FAM193A: variants seen among roughly 807,000 people sequenced by gnomAD.
FAM193A encodes family with sequence similarity 193 member A.
A neutral mutation model predicts 126.5 loss-of-function variants in FAM193A; 22 were observed. That is an observed-to-expected ratio of 0.17 (90% CI 0.12 to 0.25). FAM193A has a LOEUF of 0.25. Ranked by LOEUF, FAM193A falls within the 10% of genes least tolerant of loss-of-function variation. The pLI, the probability that FAM193A is intolerant of heterozygous loss-of-function variation, is 1.00. For missense variants in FAM193A, 1,675 were observed against 1,672.8 expected (o/e 1.00, Z -0.02); for synonymous variants, 761 against 646.8 (o/e 1.18, Z -2.68).
intron 6 of FAM193A, among the ~76,000 whole-genome samples, chr4:2,642,742 T>G (rs1300226827): frequency 6.6e-6 from 1 of 151,024 alleles, no homozygotes; most frequent in Non-Finnish European, 1.5e-5. Flanking sequence ...CTTTTTTTTT[T>G]TTTTTTTGGA....
At chr4:2,684,885 A>G (rs370144597) in intron 13 of FAM193A, among the ~76,000 whole-genome samples, 2 of 152,182 alleles carry the variant, frequency 1.3e-5, no homozygotes, top group African/African-American at 4.8e-5. Flanking sequence ...GGCCCAGACC[A>G]GGGGGGAAGA....
At chr4:2,647,135 C>G (rs562137641) in intron 7 of FAM193A, among the ~76,000 whole-genome samples, 1 of 152,214 alleles carries the variant, frequency 6.6e-6, no homozygotes, top group South Asian at 2.1e-4. Flanking sequence ...GGCTCTGCAC[C>G]CCAGGTAGGA....
chr4:2,611,097 A>G (rs1741843764), intron 2 of FAM193A, among the ~76,000 whole-genome samples: 1 of 152,070 alleles, frequency 6.6e-6, no homozygotes, highest in African/African-American at 2.4e-5. Context: ...TGGGAGTGGA[A>G]TTGCTGAGTC....
intron 2 of FAM193A, among the ~76,000 whole-genome samples, chr4:2,604,073 C>CCT (rs1741382047): frequency 6.6e-6 from 1 of 151,988 alleles, no homozygotes; most frequent in Non-Finnish European, 1.5e-5. Flanking sequence ...AAACTCCTGA[C>CCT]CTCAGGTGAT....
chr4:2,577,388 A>T (rs544176852), intron 1 of FAM193A, among the ~76,000 whole-genome samples: 9 of 149,636 alleles, frequency 6.0e-5, no homozygotes, highest in African/African-American at 2.2e-4. Flanking sequence ...CAAGTTTGAC[A>T]ATCTATTCAC....
intron 2 of FAM193A, among the ~76,000 whole-genome samples, chr4:2,611,825 T>G (rs1291315595): frequency 6.6e-6 from 1 of 151,378 alleles, no homozygotes; most frequent in Non-Finnish European, 1.5e-5. Flanking sequence ...AGATTTATAT[T>G]TTGATCAAAT....
rs141791715 is a variant in FAM193A at position 2,650,144 on chromosome 4, G to T, written c.1311+3312G>T. ...GTTGTATAATTATTTCATTCTATAT[G>T]ACAGTGTAATAATAATAGAAACAAA... On this transcript the variant is annotated intron_variant, in intron 7 of 20. Coordinates refer to ENST00000637812, the MANE Select transcript of FAM193A (RefSeq NM_001366318.2). Among the ~76,000 whole-genome samples the T allele has an allele frequency of 2.8e-3, 429 of 152,236 alleles. 1 individual carries two copies. Among genetic ancestry groups the T allele is most frequent in the African/African-American group, 7.8e-3 (322 of 41,536 alleles).
intron 1 of FAM193A, among the ~76,000 whole-genome samples, chr4:2,576,571 C>G (rs76554990): frequency 2.8e-3 from 429 of 152,290 alleles, no homozygotes; most frequent in African/African-American, 7.8e-3. Context: ...GATACTTGCT[C>G]TTGCTCTGCC....
chr4:2,583,007 C>T lies in FAM193A; in HGVS notation c.256-13077C>T, dbSNP rs191052672. On this transcript the variant is annotated intron_variant, in intron 1 of 20. Transcript: ENST00000637812. ...TTTTGAGACGGAGTTTTGCTCTTGT[C>T]TCCCAGGCTGGAGTGCAGTGGCACG... Among the ~76,000 whole-genome samples the T allele has an allele frequency of 3.3e-3, 496 of 152,236 alleles. 3 individuals are homozygous for T. The highest frequency in any genetic ancestry group is 0.011 in the African/African-American group (474 of 41,542).
At chr4:2,722,513 C>T (rs1186485980) in intron 20 of FAM193A, among the ~76,000 whole-genome samples, 1 of 152,146 alleles carries the variant, frequency 6.6e-6, no homozygotes, top group Non-Finnish European at 1.5e-5. Context: ...GTCACACATG[C>T]ACTAATGGAA....
chr4:2,668,810 CTCTT>C (rs1713446182), intron 12 of FAM193A, among the ~76,000 whole-genome samples: 1 of 151,298 alleles, frequency 6.6e-6, no homozygotes, highest in Non-Finnish European at 1.5e-5. Context: ...CTCTCTCTCT[CTCTT>C]TCTCTTTTCC....
chr4:2,713,881 C>G (rs1307845137), intron 19 of FAM193A, among the ~76,000 whole-genome samples: 3 of 152,090 alleles, frequency 2.0e-5, no homozygotes, highest in African/African-American at 7.2e-5. Context: ...ATATAAAATC[C>G]TTGGATCAAC....
intron 1 of FAM193A, among the ~76,000 whole-genome samples, chr4:2,564,949 C>G (rs1738844115): frequency 6.6e-6 from 1 of 151,996 alleles, no homozygotes; most frequent in Non-Finnish European, 1.5e-5. Flanking sequence ...CAGTCACATG[C>G]CACCATGCCT....
At chr4:2,721,431 T>A (rs1720142765) in intron 20 of FAM193A, among the ~76,000 whole-genome samples, 1 of 151,270 alleles carries the variant, frequency 6.6e-6, no homozygotes, top group Non-Finnish European at 1.5e-5. Flanking sequence ...GAAGCTTCAG[T>A]GAGCTATGCT....
At chr4:2,560,038 A>G (rs1184336618) in intron 1 of FAM193A, among the ~76,000 whole-genome samples, 1 of 151,140 alleles carries the variant, frequency 6.6e-6, no homozygotes, top group Admixed American at 6.6e-5. Flanking sequence ...GGCTCACTGC[A>G]AGCTCTGTCT....
chr4:2,664,558 C>CTTTTTTTATTTTTT, intron 12 of FAM193A, among the ~76,000 whole-genome samples: 1 of 73,074 alleles, frequency 1.4e-5, no homozygotes, highest in Non-Finnish European at 2.6e-5. Flanking sequence ...TATTTTCTTT[C>CTTTTTTTATTTTTT]TTTTTTTTTT....
chr4:2,683,219 C>T (rs976051715), intron 13 of FAM193A, among the ~76,000 whole-genome samples: 7 of 151,792 alleles, frequency 4.6e-5, no homozygotes, highest in African/African-American at 7.3e-5. Flanking sequence ...GAATTCTTTT[C>T]GAATTCTTTT....
intron 13 of FAM193A, among the ~76,000 whole-genome samples, chr4:2,687,741 G>T (rs1481981293): frequency 6.6e-6 from 1 of 152,126 alleles, no homozygotes; most frequent in Non-Finnish European, 1.5e-5. Flanking sequence ...GCCACAAATT[G>T]ATCTTTCCAC....
intron 12 of FAM193A, among the ~76,000 whole-genome samples, chr4:2,669,148 T>G (rs1402384335): frequency 6.6e-6 from 1 of 152,120 alleles, no homozygotes; most frequent in African/African-American, 2.4e-5. Flanking sequence ...TGGCCTGTAT[T>G]TATACAGTGT....
Sources: allele counts gnomAD v4.1 joint callset (sites outside exome capture counted in the v4.1 genomes callset), GRCh38; gene constraint gnomAD v4.1.1; transcripts MANE v1.5; gene names NCBI Gene and HGNC (gene_info 2026-07-23, HGNC 2026-07-21).